MEAF6: variants seen among roughly 807,000 people sequenced by gnomAD.
MEAF6 encodes the protein MYST/Esa1 associated factor 6.
Under a neutral mutation model 28.9 loss-of-function variants are expected in MEAF6, and 15 were observed. The ratio of observed to expected loss-of-function variants is 0.52; its 90% CI spans 0.35 to 0.80. The LOEUF is 0.80. Ranked by LOEUF, MEAF6 falls within the 30% of genes least tolerant of loss-of-function variation. The probability of loss-of-function intolerance (pLI) is 0.01; values close to 1 mark genes in which losing one functional copy is unlikely to be tolerated. For missense variants in MEAF6, 178 were observed against 237.5 expected (o/e 0.75, Z 1.65); for synonymous variants, 97 against 88.7 (o/e 1.09, Z -0.53).
At chr1:37,495,720 C>CAAAAAAAAAAAAA in intron 6 of MEAF6, among the ~76,000 whole-genome samples, 165 bp downstream of exon 6, 1 of 86,552 alleles carries the variant, frequency 1.2e-5, no homozygotes, top group Non-Finnish European at 2.7e-5. Flanking sequence ...AAAAAAAAAA[C>CAAAAAAAAAAAAA]AAAAAAACCA....
chr1:37,495,158 C>A (rs1642077018), intron 6 of MEAF6, among the ~76,000 whole-genome samples: 1 of 151,530 alleles, frequency 6.6e-6, no homozygotes, highest in Non-Finnish European at 1.5e-5. Flanking sequence ...CATGGTGAAA[C>A]CCTGTCTCTA....
At position 37,490,518 on chromosome 1, in the gene MEAF6, T is replaced by G. The variant is rs1320288537; in HGVS notation, c.*3581A>C. Among the ~76,000 whole-genome samples, 1 of 152,168 alleles carries G rather than the reference T, an allele frequency of 6.6e-6. No homozygotes were observed. Among genetic ancestry groups the G allele is most frequent in the Non-Finnish European group, 1.5e-5 (1 of 68,034 alleles). ...TTCACATAAACCAGTATAGTCCCCC[T>G]GTAGTCAAGGCTTCAGATGTCAATT... is the stretch of plus-strand genomic sequence containing the variant. On this transcript the variant is annotated 3_prime_UTR_variant, in exon 7 of 7. Transcript: ENST00000296214.
chr1:37,496,844 T>A, intron 5 of MEAF6: 1 of 1,178,200 alleles, frequency 8.5e-7, no homozygotes, highest in Non-Finnish European at 1.1e-6. Context: ...AAATCAGCTT[T>A]AAGAATCTTA....
At position 37,495,869 on chromosome 1, in the gene MEAF6, T is replaced by G; in HGVS notation, c.567+16A>C. Reference sequence around the variant, plus strand: ...AAAATTGCCAGCCTCTCTGAAGTGGTCCGGCTGATACTTACAGCTCGTGGT... The same window carrying G: ...AAAATTGCCAGCCTCTCTGAAGTGGGCCGGCTGATACTTACAGCTCGTGGT... On this transcript the variant is annotated intron_variant, in intron 6 of 6. Transcript: ENST00000296214. 1 of 1,613,790 alleles carries G rather than the reference T, an allele frequency of 6.2e-7. No homozygotes were observed. The highest frequency in any genetic ancestry group is 8.5e-7 in the Non-Finnish European group (1 of 1,179,724).
intron 5 of MEAF6, among the ~76,000 whole-genome samples, chr1:37,496,277 T>C (rs925930407): frequency 6.6e-6 from 1 of 152,164 alleles, no homozygotes; most frequent in Admixed American, 6.6e-5. Flanking sequence ...TCACTGAAAA[T>C]TACTGAGACA....
At chr1:37,502,599 C>T in intron 4 of MEAF6, among the ~76,000 whole-genome samples, 1 of 143,372 alleles carries the variant, frequency 7.0e-6, no homozygotes. Context: ...CTCTGTTGAA[C>T]TTGAACCTCG....
intron 4 of MEAF6, among the ~76,000 whole-genome samples, chr1:37,503,365 T>C (rs1327981422): frequency 1.3e-5 from 2 of 152,224 alleles, no homozygotes; most frequent in Non-Finnish European, 2.9e-5. Context: ...TTTTTAAGAC[T>C]ATAGATTAGG....
rs1031992980 is a variant in MEAF6, at chr1:37,491,740, T to C, written c.*2359A>G. On this transcript the variant is annotated 3_prime_UTR_variant, in exon 7 of 7. Transcript: ENST00000296214. ...TAAATAAATAAATAAAATATATAAA[T>C]ACTTAAATAATCTTTTTAAGAGCAG... Among the ~76,000 whole-genome samples, 1 of 150,934 alleles carries C rather than the reference T, an allele frequency of 6.6e-6. No homozygotes were observed. The highest frequency in any genetic ancestry group is 1.5e-5 in the Non-Finnish European group (1 of 67,788).
In MEAF6 at chr1:37,513,203, C is replaced by A. The variant is rs146510416; in HGVS notation, c.206+220G>T. Among the ~76,000 whole-genome samples the A allele has an allele frequency of 2.1e-3, 320 of 152,308 alleles. 3 individuals are homozygous for A. Among genetic ancestry groups the A allele is most frequent in the Middle Eastern group, 6.8e-3 (2 of 294 alleles). On this transcript the variant is annotated intron_variant, in intron 2 of 6. Coordinates refer to ENST00000296214, the MANE Select transcript of MEAF6 (RefSeq NM_001270875.3). ...AAAGATACTGTATTTAAGCCTCACA[C>A]AACCCTGTGCCATAGGCCCAACTTT...
At position 37,502,556 on chromosome 1, in the gene MEAF6, GT is replaced by G. The variant is rs754498732; in HGVS notation, c.341-561del. The stretch of plus-strand genomic sequence containing the variant: ...GATAAGTTTTCCATTGTTTTTTCTT[GT>G]TTTTTTTTTGTTTGTTTGTTTAACC... On this transcript the variant is annotated intron_variant, in intron 4 of 6. Transcript: ENST00000296214. 1.6e-3 allele frequency among the ~76,000 whole-genome samples: 155 copies of G among 99,654 alleles called. 1 individual carries two copies. The highest frequency in any genetic ancestry group is 3.2e-3 in the South Asian group (10 of 3,146). The allele number at this position is 99,654 out of a possible 152,430, so 65.4% of individuals were successfully genotyped here.
At chr1:37,501,731 A>C in intron 5 of MEAF6, 73 bp downstream of exon 5, 1 of 1,341,030 alleles carries the variant, frequency 7.5e-7, no homozygotes, top group Non-Finnish European at 9.9e-7. Flanking sequence ...AATCCTAAAG[A>C]GTTTTTATTC....
intron 4 of MEAF6, 53 bp from the exon 5 acceptor site, chr1:37,502,049 AAT>A: frequency 6.9e-7 from 1 of 1,457,694 alleles, no homozygotes. Context: ...CTCCTCAGGC[AAT>A]CTGTCCATCA....
chr1:37,500,510 T>C (rs1642265770), intron 5 of MEAF6, among the ~76,000 whole-genome samples: 1 of 152,210 alleles, frequency 6.6e-6, no homozygotes, highest in Non-Finnish European at 1.5e-5. Context: ...TTGCTAATTC[T>C]TACTACAGTT....
At chr1:37,509,373 G>A in intron 3 of MEAF6, 50 bp from the exon 4 acceptor site, 2 of 1,607,052 alleles carry the variant, frequency 1.2e-6, no homozygotes, top group South Asian at 2.2e-5. Context: ...GACCTCAGAA[G>A]AGCACTCCCA....
chr1:37,506,589 C>T (rs1289090038), intron 4 of MEAF6, among the ~76,000 whole-genome samples: 1 of 152,046 alleles, frequency 6.6e-6, no homozygotes, highest in Non-Finnish European at 1.5e-5. Context: ...CACTATGTTC[C>T]CTAGTCTGGT....
chr1:37,511,906 G>A (rs1642681909), intron 2 of MEAF6, among the ~76,000 whole-genome samples: 2 of 152,202 alleles, frequency 1.3e-5, no homozygotes, highest in African/African-American at 4.8e-5. Context: ...GGGGACAATT[G>A]AGGAAATTTT....
intron 4 of MEAF6, among the ~76,000 whole-genome samples, chr1:37,502,615 C>CTT (rs35429238): frequency 1.3e-4 from 14 of 109,632 alleles, no homozygotes; most frequent in Middle Eastern, 4.7e-3. Flanking sequence ...CCTCGTAAGT[C>CTT]TTTTTTTTTT....
intron 4 of MEAF6, among the ~76,000 whole-genome samples, chr1:37,503,730 G>A (rs564246657): frequency 7.9e-5 from 12 of 151,058 alleles, no homozygotes; most frequent in East Asian, 5.9e-4. Flanking sequence ...TTGGGAGGCC[G>A]AGGTGGGTGG....
At position 37,501,846 on chromosome 1, in the gene MEAF6, T is replaced by G. The variant is rs1483066272; in HGVS notation, c.491A>C (p.His164Pro). ...KAASSTSSGS[H>P]HSSHKKRKNK... ...CTTTCGCTTTTTATGGCTGCTGTGG[T>G]GACTCCCTGAGGAAGTAGAAGAAGC... The change falls in exon 5 of 7, where the codon CAC becomes CCC. Residue 164 changes from histidine to proline, a missense_variant. By Grantham distance (77) the His-to-Pro change is moderately conservative. Coordinates refer to ENST00000296214, the MANE Select transcript of MEAF6 (RefSeq NM_001270875.3). The G allele has an allele frequency of 2.5e-6, 4 of 1,603,380 alleles. No individual in the cohort carries two copies. Among genetic ancestry groups the G allele is most frequent in the Admixed American group, 1.7e-5 (1 of 59,694 alleles).
Sources: allele counts gnomAD v4.1 joint callset (sites outside exome capture counted in the v4.1 genomes callset), GRCh38; gene constraint gnomAD v4.1.1; transcripts MANE v1.5; gene names NCBI Gene and HGNC (gene_info 2026-07-23, HGNC 2026-07-21).